Variants in ADARB2 observed in about 807,000 individuals in gnomAD.
ADARB2 encodes inactive double-stranded RNA-specific editase B2.
In ADARB2, 25 loss-of-function variants were observed where a neutral mutation model predicts 62.2. The observed-to-expected ratio is 0.40, with a 90% confidence interval of 0.29 to 0.56. ADARB2 has a LOEUF of 0.56. Among genes scored for constraint, ADARB2 ranks in the 20% least tolerant of loss-of-function variants. The pLI, the probability that ADARB2 is intolerant of heterozygous loss-of-function variation, is 0.43. For missense variants in ADARB2, 1,071 were observed against 1,077.4 expected (o/e 0.99, Z 0.08); for synonymous variants, 572 against 500.8 (o/e 1.14, Z -1.90).
At chr10:1,695,334 C>G (rs1272622996) in intron 1 of ADARB2, among the ~76,000 whole-genome samples, 1 of 152,104 alleles carries the variant, frequency 6.6e-6, no homozygotes, top group Non-Finnish European at 1.5e-5. Context: ...ACAGAGTGAC[C>G]CCCGAGCCTC....
intron 8 of ADARB2, among the ~76,000 whole-genome samples, chr10:1,192,680 G>A (rs115535540): frequency 0.031 from 4,678 of 152,284 alleles, 252 homozygotes; most frequent in African/African-American, 0.11. Flanking sequence ...GGCCTGGCAC[G>A]GTGGCTTACG....
chr10:1,505,137 TACAG>T (rs1831824713), intron 1 of ADARB2, among the ~76,000 whole-genome samples: 1 of 149,638 alleles, frequency 6.7e-6, no homozygotes, highest in African/African-American at 2.5e-5. Flanking sequence ...CATGCACACA[TACAG>T]ACACACTGAT....
intron 1 of ADARB2, among the ~76,000 whole-genome samples, chr10:1,551,031 G>T (rs1564327167): frequency 6.6e-6 from 1 of 152,188 alleles, no homozygotes; most frequent in Non-Finnish European, 1.5e-5. Context: ...ACCTCAGAAG[G>T]TGACAGTGTT....
chr10:1,579,556 G>A (rs1206226050), intron 1 of ADARB2, among the ~76,000 whole-genome samples: 3 of 152,094 alleles, frequency 2.0e-5, no homozygotes, highest in Non-Finnish European at 4.4e-5. Context: ...GGGGTGGAAG[G>A]GACTCTAAAA....
intron 3 of ADARB2, among the ~76,000 whole-genome samples, chr10:1,319,052 T>C (rs1335406436): frequency 6.6e-6 from 1 of 152,226 alleles, no homozygotes; most frequent in Non-Finnish European, 1.5e-5. Flanking sequence ...GTGGGACATG[T>C]GACCTGCTCA....
chr10:1,193,777 GT>G (rs1836872856), intron 8 of ADARB2, among the ~76,000 whole-genome samples: 1 of 151,324 alleles, frequency 6.6e-6, no homozygotes. Flanking sequence ...CCATTTCATT[GT>G]TTTTTTGTCT....
At position 1,611,416 on chromosome 10, in the gene ADARB2, C is replaced by T. The variant is rs1382512180; in HGVS notation, c.100+125635G>A. 4.6e-5 allele frequency among the ~76,000 whole-genome samples: 7 copies of T among 152,336 alleles called. No individual in the cohort carries two copies. In the South Asian group the frequency reaches 1.0e-3, roughly 23 times the overall value. ...CCAAGGGGGAAATTCACTCTCATTT[C>T]GTTGGAAAGCAGCTGCCTGGATGAA... On this transcript the variant is annotated intron_variant, in intron 1 of 9. Coordinates refer to ENST00000381312, the MANE Select transcript of ADARB2 (RefSeq NM_018702.4).
At chr10:1,535,897 T>C (rs11250599) in intron 1 of ADARB2, among the ~76,000 whole-genome samples, 50,926 of 152,100 alleles carry the variant, frequency 0.33, 9,281 homozygotes, top group East Asian at 0.74. Flanking sequence ...TCAGGGCCTG[T>C]CTGGGGAGTG....
At chr10:1,578,510 G>C (rs1050095833) in intron 1 of ADARB2, among the ~76,000 whole-genome samples, 1 of 152,158 alleles carries the variant, frequency 6.6e-6, no homozygotes, top group Non-Finnish European at 1.5e-5. Flanking sequence ...TGGTGCAAAG[G>C]CAGCCCCGCC....
chr10:1,482,385 G>A (rs894026520), intron 1 of ADARB2, among the ~76,000 whole-genome samples: 3 of 152,198 alleles, frequency 2.0e-5, no homozygotes, highest in Non-Finnish European at 2.9e-5. Context: ...ATTCTGGTTT[G>A]TGCATAATGG....
intron 1 of ADARB2, among the ~76,000 whole-genome samples, chr10:1,473,535 C>A (rs745353910): frequency 1.4e-4 from 22 of 151,962 alleles, no homozygotes; most frequent in Non-Finnish European, 3.1e-4. Context: ...GTGCCACCAC[C>A]CTTGGCTAAT....
chr10:1,662,137 G>A (rs1481452436), intron 1 of ADARB2, among the ~76,000 whole-genome samples: 1 of 152,170 alleles, frequency 6.6e-6, no homozygotes, highest in African/African-American at 2.4e-5. Context: ...CCCTGCAGTG[G>A]GAGGATGTCC....
In ADARB2 at chr10:1,182,913, T is replaced by G; in HGVS notation, c.*280A>C. On this transcript the variant is annotated 3_prime_UTR_variant, in exon 10 of 10. Transcript: ENST00000381312. ...AGGCTGCAGCTAAAACCCCTTTGCC[T>G]GAATGGAGCCCCTCCCTCAGACTCC... is the stretch of plus-strand genomic sequence containing the variant. 1 of 385,060 alleles carries G rather than the reference T, an allele frequency of 2.6e-6. No homozygotes were observed. The highest frequency in any genetic ancestry group is 7.6e-4 in the Middle Eastern group (1 of 1,316). The allele number at this position is 385,060 out of a possible 1,614,324, so 23.9% of individuals were successfully genotyped here.
chr10:1,511,057 A>C (rs72764946), intron 1 of ADARB2, among the ~76,000 whole-genome samples: 23,127 of 152,142 alleles, frequency 0.15, 2,182 homozygotes, highest in Middle Eastern at 0.23. Flanking sequence ...GTTTTGCCAC[A>C]TGGGCCAGGC....
intron 6 of ADARB2, among the ~76,000 whole-genome samples, chr10:1,227,861 T>G (rs1830762499): frequency 6.6e-6 from 1 of 152,246 alleles, no homozygotes; most frequent in African/African-American, 2.4e-5. Flanking sequence ...AGCAACCTAG[T>G]ATTCATTGTA....
At chr10:1,339,487 T>C (rs1372471613) in intron 3 of ADARB2, among the ~76,000 whole-genome samples, 1 of 152,234 alleles carries the variant, frequency 6.6e-6, no homozygotes, top group Non-Finnish European at 1.5e-5. Context: ...CACTTTCATC[T>C]TGCCTCTCAC....
At chr10:1,311,909 T>A (rs1270801873) in intron 3 of ADARB2, among the ~76,000 whole-genome samples, 2 of 152,128 alleles carry the variant, frequency 1.3e-5, no homozygotes, top group African/African-American at 4.8e-5. Context: ...AATGATTGAG[T>A]CTGTGTCCTA....
intron 1 of ADARB2, among the ~76,000 whole-genome samples, chr10:1,538,027 G>T (rs1484242866): frequency 6.6e-6 from 1 of 152,226 alleles, no homozygotes; most frequent in Non-Finnish European, 1.5e-5. Flanking sequence ...AGAACTGCAA[G>T]CAGTAGCTCC....
intron 6 of ADARB2, among the ~76,000 whole-genome samples, chr10:1,222,251 T>C (rs1377240886): frequency 6.6e-6 from 1 of 152,232 alleles, no homozygotes; most frequent in Non-Finnish European, 1.5e-5. Flanking sequence ...TTCGCCCACT[T>C]TTTGAATGGG....
Sources: gnomAD v4.1 joint callset for allele counts (sites outside exome capture counted in the v4.1 genomes callset) on GRCh38, gnomAD v4.1.1 for gene constraint, MANE v1.5 for transcripts, NCBI Gene and HGNC (gene_info 2026-07-23, HGNC 2026-07-21) for gene names.